IGF2: variants seen among roughly 807,000 people sequenced by gnomAD.
IGF2 encodes the protein insulin-like growth factor 2.
Under a neutral mutation model 12.0 loss-of-function variants are expected in IGF2, and 2 were observed. The ratio of observed to expected loss-of-function variants is 0.17; its 90% CI spans 0.07 to 0.52. IGF2 has a LOEUF of 0.52. Among genes scored for constraint, IGF2 ranks in the 20% least tolerant of loss-of-function variants. IGF2 has a pLI of 0.95. For synonymous variants in IGF2, 105 were observed against 110.1 expected (o/e 0.95, Z 0.29); for missense variants, 211 against 268.0 (o/e 0.79, Z 1.48).
chr11:2,147,524 G>A, the IGF2 span: 2 of 880,708 alleles, frequency 2.3e-6, no homozygotes, highest in Admixed American at 4.3e-5. This position sits in a 1 kb window ranked among gnomAD's most constrained non-coding sequence, Gnocchi z 7.2. Context: ...CGCAGAGCCT[G>A]TGGCCCTCTC....
At chr11:2,141,502 G>T (rs931894342), upstream of IGF2, among the ~76,000 whole-genome samples, 1 of 152,236 alleles carries the variant, frequency 6.6e-6, no homozygotes, top group Non-Finnish European at 1.5e-5. Context: ...GGACCAATTT[G>T]TGAGGAGGGG....
At chr11:2,142,439 A>G (rs960725066), upstream of IGF2, among the ~76,000 whole-genome samples, 2 of 152,130 alleles carry the variant, frequency 1.3e-5, no homozygotes, top group African/African-American at 4.8e-5. The surrounding 1 kb of genome is among the most constrained non-coding windows in gnomAD (Gnocchi z 5.7). Context: ...AGATTTTGTG[A>G]TAGGGAGTGT....
At chr11:2,140,501 T>A (rs1158878231), upstream of IGF2, 1 of 551,698 alleles carries the variant, frequency 1.8e-6, no homozygotes, top group African/African-American at 2.4e-5. Flanking sequence ...CGCGCGCGCC[T>A]CCCGGCGGAG....
In IGF2 at chr11:2,130,399, C is replaced by T. The variant is rs531894998; in HGVS notation, c.*2588G>A. On this transcript the variant is annotated 3_prime_UTR_variant, in exon 4 of 4. Coordinates refer to ENST00000416167, the MANE Select transcript of IGF2 (RefSeq NM_000612.6). Reference sequence around the variant, plus strand: ...GCCCCCCAGGAGGCTCCACCCTCAACTCAACCCAAGCAACAGGGACAGATG... The same window carrying T: ...GCCCCCCAGGAGGCTCCACCCTCAATTCAACCCAAGCAACAGGGACAGATG... 5.7e-4 allele frequency: 130 copies of T among 228,722 alleles called. No individual in the cohort carries two copies. Among genetic ancestry groups the T allele is most frequent in the Non-Finnish European group, 5.6e-4 (65 of 115,270 alleles). 14.2% of individuals were successfully genotyped at this position (228,722 alleles called of 1,614,324 possible). A position where few individuals can be genotyped will look rare whatever the true frequency, so the allele number is the denominator to read the frequency against.
rs930684778 is a variant in IGF2 at position 2,131,348 on chromosome 11, G to A, written c.*1639C>T. 3 of 233,240 alleles carry A rather than the reference G, an allele frequency of 1.3e-5. No homozygotes were observed. Among genetic ancestry groups the A allele is most frequent in the Non-Finnish European group, 1.7e-5 (2 of 118,086 alleles). The allele number at this position is 233,240 out of a possible 1,614,324, so 14.4% of individuals were successfully genotyped here. On this transcript the variant is annotated 3_prime_UTR_variant, in exon 4 of 4. Transcript: ENST00000416167. ...CATGAAAACATTGGAGAATCTTAGC[G>A]GGACTTTGGCCTGATCCATACAGAT... is the stretch of plus-strand genomic sequence containing the variant.
chr11:2,140,122 G>A, upstream of IGF2: 1 of 1,611,528 alleles, frequency 6.2e-7, no homozygotes, highest in Non-Finnish European at 8.5e-7. Flanking sequence ...GGGAAACACA[G>A]CTCAAATCCT....
rs1314906988 is a variant in IGF2 at position 2,132,046 on chromosome 11, G to GTGTGTGCTGTATGCTCGTA, written c.*940_*941insTACGAGCATACAGCACACA. The stretch of plus-strand genomic sequence containing the variant: ...TGTGCTGTGTGTGCTGTGCGTTTGT[G>GTGTGTGCTGTATGCTCGTA]TGTGTGCTGTGCTCGTGTGTGTGCT... On this transcript the variant is annotated 3_prime_UTR_variant, in exon 4 of 4. Coordinates refer to ENST00000416167, the MANE Select transcript of IGF2 (RefSeq NM_000612.6). 1 of 209,852 alleles carries GTGTGTGCTGTATGCTCGTA rather than the reference G, an allele frequency of 4.8e-6. No individual in the cohort carries two copies. The highest frequency in any genetic ancestry group is 2.3e-5 in the African/African-American group (1 of 43,788). 13.0% of individuals were successfully genotyped at this position (209,852 alleles called of 1,614,324 possible).
In IGF2 at chr11:2,138,858, G is replaced by A. The variant is rs1018089831; in HGVS notation, c.-636C>T. On this transcript the variant is annotated 5_prime_UTR_variant, in exon 1 of 4. Coordinates refer to ENST00000416167, the MANE Select transcript of IGF2 (RefSeq NM_000612.6). Reference sequence around the variant, plus strand: ...AGGGCGCCACGTCGAGGGGCCGGGGGAGGCGGTGACTGGGGGGCGGAGTGG... The same window carrying A: ...AGGGCGCCACGTCGAGGGGCCGGGGAAGGCGGTGACTGGGGGGCGGAGTGG... The A allele has an allele frequency of 1.3e-5, 13 of 972,864 alleles. No homozygotes were observed. The highest frequency in any genetic ancestry group is 2.3e-4 in the East Asian group (2 of 8,650). The allele number at this position is 972,864 out of a possible 1,614,324, so 60.3% of individuals were successfully genotyped here.
chr11:2,130,606 GA>G lies in IGF2; in HGVS notation c.*2380del. ...AAAAAAACAAAAAAAAAAAAAAAAG[GA>G]AAAATGCCCCAAGAAACAAAGAGGG... On this transcript the variant is annotated 3_prime_UTR_variant, in exon 4 of 4. Transcript: ENST00000416167. 2 of 207,810 alleles carry G rather than the reference GA, an allele frequency of 9.6e-6. No individual in the cohort carries two copies. Among genetic ancestry groups the G allele is most frequent in the Non-Finnish European group, 1.9e-5 (2 of 104,254 alleles). The allele number at this position is 207,810 out of a possible 1,614,324, so 12.9% of individuals were successfully genotyped here. A position where few individuals can be genotyped will look rare whatever the true frequency, so the allele number is the denominator to read the frequency against.
intron 1 of IGF2, 106 bp from the exon 2 acceptor site, chr11:2,135,635 T>G (rs907382123): frequency 7.5e-6 from 7 of 933,166 alleles, no homozygotes; most frequent in Admixed American, 2.6e-5. Context: ...CAGTTGAAAA[T>G]TGAAAGCACG....
intron 1 of IGF2, among the ~76,000 whole-genome samples, chr11:2,136,368 G>A (rs1425916907): frequency 6.6e-6 from 1 of 152,208 alleles, no homozygotes; most frequent in Non-Finnish European, 1.5e-5. Flanking sequence ...CTCTCCCCGT[G>A]GGAGCTGGAG....
Position 2,138,684 on chromosome 11 carries a change from AG to A in IGF2, c.-463del. 1 of 881,752 alleles carries A rather than the reference AG, an allele frequency of 1.1e-6. No individual in the cohort carries two copies. The highest frequency in any genetic ancestry group is 1.3e-6 in the Non-Finnish European group (1 of 763,114). The allele number at this position is 881,752 out of a possible 1,614,324, so 54.6% of individuals were successfully genotyped here. ...TAATTAATCCACTTTGGTTCGGCGAAGGCGAGAGGGCGGGCGTGAGGGGGGG... is the reference window on the plus strand; with the variant it reads ...TAATTAATCCACTTTGGTTCGGCGAAGCGAGAGGGCGGGCGTGAGGGGGGG... On this transcript the variant is annotated 5_prime_UTR_variant, in exon 1 of 4. Coordinates refer to ENST00000416167, the MANE Select transcript of IGF2 (RefSeq NM_000612.6).
At chr11:2,146,380 T>C in the IGF2 span, 2 of 535,206 alleles carry the variant, frequency 3.7e-6, no homozygotes, top group Non-Finnish European at 7.7e-6. Flanking sequence ...GGCGCTGACC[T>C]TGCGCTCACT....
rs181192486 is a variant in IGF2, at chr11:2,137,927, C to A, written c.-7+302G>T. Among the ~76,000 whole-genome samples the A allele has an allele frequency of 6.9e-3, 1,055 of 152,328 alleles. 11 individuals carry two copies. The highest frequency in any genetic ancestry group is 0.024 in the African/African-American group (993 of 41,582). On this transcript the variant is annotated intron_variant, in intron 1 of 3. Coordinates refer to ENST00000416167, the MANE Select transcript of IGF2 (RefSeq NM_000612.6). Reference sequence around the variant, plus strand: ...GAATCACACATGTGAGGCGGCACCCCCTGCACCCACAGACCGACCGGGAAG... The same window carrying A: ...GAATCACACATGTGAGGCGGCACCCACTGCACCCACAGACCGACCGGGAAG...
chr11:2,146,620 C>T, the IGF2 span: 52,629 of 335,728 alleles, frequency 0.16, 4,865 homozygotes, highest in Non-Finnish European at 0.2. Context: ...ACTGAGGCGG[C>T]GCCACTGTGT....
chr11:2,147,773 C>T, the IGF2 span: 1 of 1,248,816 alleles, frequency 8.0e-7, no homozygotes, highest in Non-Finnish European at 1.0e-6. This position sits in a 1 kb window ranked among gnomAD's most constrained non-coding sequence, Gnocchi z 7.2. Context: ...GAATCCACCT[C>T]CTCCCACACA....
chr11:2,139,576 C>CGG (rs565127670), upstream of IGF2, among the ~76,000 whole-genome samples: 4,005 of 96,320 alleles, frequency 0.042, 216 homozygotes, highest in African/African-American at 0.087. Flanking sequence ...CCTGGGGCCC[C>CGG]GGGGGGGGGG....
chr11:2,141,692 G>T (rs1282664959), upstream of IGF2, among the ~76,000 whole-genome samples: 1 of 152,170 alleles, frequency 6.6e-6, no homozygotes, highest in South Asian at 2.1e-4. Context: ...CTGGACGCTG[G>T]CAGCAGCCGG....
At chr11:2,137,085 G>A (rs956782664) in intron 1 of IGF2, 3 of 245,096 alleles carry the variant, frequency 1.2e-5, no homozygotes, top group Non-Finnish European at 2.0e-5. Flanking sequence ...GCGGGCTGGC[G>A]GCTGCAGGGC....
Sources: allele counts gnomAD v4.1 joint callset (sites outside exome capture counted in the v4.1 genomes callset), GRCh38; gene constraint gnomAD v4.1.1; non-coding constraint Gnocchi (gnomAD v3.1); transcripts MANE v1.5; gene names NCBI Gene and HGNC (gene_info 2026-07-23, HGNC 2026-07-21).